Variants in EPB41L2 observed in about 807,000 individuals in gnomAD.
EPB41L2 encodes band 4.1-like protein 2.
EPB41L2 carries 43 observed loss-of-function variants against 113.0 expected under a neutral mutation model. That is an observed-to-expected ratio of 0.38 (90% CI 0.30 to 0.49). EPB41L2 has a LOEUF of 0.49. Ranked by LOEUF, EPB41L2 falls within the 20% of genes least tolerant of loss-of-function variation. The pLI is 0.95. For synonymous variants in EPB41L2, 442 were observed against 436.7 expected, an observed-to-expected ratio of 1.01 and a Z score of -0.15; for missense variants, 1,147 against 1,223.4, an observed-to-expected ratio of 0.94 and a Z score of 0.93.
intron 1 of EPB41L2, among the ~76,000 whole-genome samples, chr6:130,992,169 C>T (rs577459300): frequency 7.2e-5 from 11 of 151,900 alleles, no homozygotes; most frequent in African/African-American, 1.5e-4. Context: ...GGGTGATTTG[C>T]GAAAAGATTC....
At chr6:130,997,139 G>A (rs1233834479) in intron 1 of EPB41L2, among the ~76,000 whole-genome samples, 2 of 152,150 alleles carry the variant, frequency 1.3e-5, no homozygotes, top group East Asian at 3.9e-4. Context: ...TGTTACATTA[G>A]AGGACTTTTC....
intron 11 of EPB41L2, among the ~76,000 whole-genome samples, chr6:130,886,575 G>C (rs1791044166): frequency 6.6e-6 from 1 of 152,060 alleles, no homozygotes; most frequent in Admixed American, 6.5e-5. Flanking sequence ...GTCAACATTA[G>C]AATAAATTTG....
At chr6:130,942,230 GC>G (rs1811123755) in intron 3 of EPB41L2, among the ~76,000 whole-genome samples, 1 of 152,162 alleles carries the variant, frequency 6.6e-6, no homozygotes, top group Non-Finnish European at 1.5e-5. Context: ...CCTAATTCCA[GC>G]TTTTGTGTGA....
chr6:130,946,212 G>A (rs1812747095), intron 3 of EPB41L2, among the ~76,000 whole-genome samples: 1 of 152,152 alleles, frequency 6.6e-6, no homozygotes, highest in African/African-American at 2.4e-5. Flanking sequence ...AATGCACAAA[G>A]AGAGCCTAGG....
At chr6:130,843,168 C>A (rs992713292) in intron 19 of EPB41L2, among the ~76,000 whole-genome samples, 1 of 152,078 alleles carries the variant, frequency 6.6e-6, no homozygotes, top group Non-Finnish European at 1.5e-5. Context: ...AAATACGTTC[C>A]TAAGTACTAA....
chr6:130,937,622 C>T (rs186447547), intron 3 of EPB41L2, among the ~76,000 whole-genome samples: 3 of 152,258 alleles, frequency 2.0e-5, no homozygotes, highest in Non-Finnish European at 4.4e-5. Flanking sequence ...AGTTCAAGAC[C>T]AGCCTGGCCA....
intron 3 of EPB41L2, among the ~76,000 whole-genome samples, chr6:130,954,560 T>C (rs1422891132): frequency 6.6e-6 from 1 of 152,142 alleles, no homozygotes; most frequent in Non-Finnish European, 1.5e-5. Flanking sequence ...CGTAAATAAT[T>C]TGTGGAAAGC....
intron 1 of EPB41L2, chr6:131,013,977 A>G (rs1787628240): frequency 6.6e-6 from 1 of 151,994 alleles, no homozygotes; most frequent in Non-Finnish European, 1.5e-5. Flanking sequence ...CAACACGTGA[A>G]GCTATTTCCT....
chr6:130,862,162 G>A (rs1223083007), intron 18 of EPB41L2, among the ~76,000 whole-genome samples: 1 of 152,040 alleles, frequency 6.6e-6, no homozygotes, highest in African/African-American at 2.4e-5. Flanking sequence ...GGTAAAACAG[G>A]CCAAAATATT....
chr6:131,044,338 T>C (rs543351871), intron 1 of EPB41L2, among the ~76,000 whole-genome samples: 2 of 152,236 alleles, frequency 1.3e-5, no homozygotes, highest in East Asian at 3.9e-4. Context: ...TAATGCTTTT[T>C]TGTTTAAAAA....
intron 1 of EPB41L2, among the ~76,000 whole-genome samples, chr6:131,036,636 T>G (rs1308570331): frequency 6.6e-6 from 1 of 152,158 alleles, no homozygotes; most frequent in East Asian, 1.9e-4. Flanking sequence ...AGTCTCTAGG[T>G]CTCAATTCCT....
intron 3 of EPB41L2, among the ~76,000 whole-genome samples, chr6:130,941,310 A>G (rs1192307745): frequency 2.0e-5 from 3 of 152,232 alleles, no homozygotes; most frequent in Non-Finnish European, 4.4e-5. Flanking sequence ...GACTTAGCTT[A>G]AGTCTCTAAT....
At chr6:131,035,291 T>C (rs930411755) in intron 1 of EPB41L2, among the ~76,000 whole-genome samples, 8 of 152,226 alleles carry the variant, frequency 5.3e-5, no homozygotes, top group African/African-American at 1.9e-4. Context: ...TGAATCAATA[T>C]GTAATATTGG....
At chr6:131,060,844 CT>C (rs1410568299) in intron 1 of EPB41L2, among the ~76,000 whole-genome samples, 1 of 152,114 alleles carries the variant, frequency 6.6e-6, no homozygotes. Context: ...AAATTTGCTT[CT>C]TTCTACTTGG....
At chr6:130,915,137 A>C (rs995243378) in intron 4 of EPB41L2, among the ~76,000 whole-genome samples, 15 of 151,956 alleles carry the variant, frequency 9.9e-5, no homozygotes, top group Admixed American at 3.3e-4. Flanking sequence ...CCCCGTCTCT[A>C]CTAAAAATAC....
At position 131,029,504 on chromosome 6, in the gene EPB41L2, T is replaced by G. The variant is rs1018581282; in HGVS notation, c.-15+33651A>C. On this transcript the variant is annotated intron_variant, in intron 1 of 19. Coordinates refer to ENST00000337057, the MANE Select transcript of EPB41L2 (RefSeq NM_001431.4). ...CCTTTCAGAAGCTATACTTACATTCTACAATTTCATTCTATAGAAATAATT... is the reference window on the plus strand; with the variant it reads ...CCTTTCAGAAGCTATACTTACATTCGACAATTTCATTCTATAGAAATAATT... Among the ~76,000 whole-genome samples the G allele has an allele frequency of 3.3e-5, 5 of 151,754 alleles. No homozygotes were observed. The East Asian group carries it at 9.7e-4, about 30-fold the overall frequency.
At chr6:130,860,769 C>T (rs1366036652) in intron 18 of EPB41L2, among the ~76,000 whole-genome samples, 1 of 152,148 alleles carries the variant, frequency 6.6e-6, no homozygotes, top group Admixed American at 6.5e-5. Context: ...CTCCTGACCT[C>T]ATGATCTGCC....
chr6:130,855,586 C>T (rs1779977108), intron 19 of EPB41L2, among the ~76,000 whole-genome samples: 1 of 152,092 alleles, frequency 6.6e-6, no homozygotes, highest in African/African-American at 2.4e-5. Context: ...AACTGTATCT[C>T]TCTATGCTAG....
At position 130,863,696 on chromosome 6, in the gene EPB41L2, T is replaced by G. The variant is rs1782853252; in HGVS notation, c.2852A>C (p.Glu951Ala). ...CACAATGCGTTTCTCAATTCTTGTT[T>G]CAGAAATTCCACCTTTTACAGTCTA... ...ITKTVKGGIS[E>A]TRIEKRIVIT... Residue 951 changes from glutamate to alanine, a missense_variant, in exon 18 of 20, where the codon GAA (glutamate) becomes GCA (alanine). By Grantham distance (107) the Glu-to-Ala change is moderately radical. Transcript: ENST00000337057. 1 of 1,613,472 alleles carries G rather than the reference T, an allele frequency of 6.2e-7. No homozygotes were observed. The highest frequency in any genetic ancestry group is 1.7e-5 in the Admixed American group (1 of 59,998).
Sources: gnomAD v4.1 joint callset for allele counts (sites outside exome capture counted in the v4.1 genomes callset) on GRCh38, gnomAD v4.1.1 for gene constraint, MANE v1.5 for transcripts, NCBI Gene and HGNC (gene_info 2026-07-23, HGNC 2026-07-21) for gene names.